BBX: variants seen among roughly 807,000 people sequenced by gnomAD.
The protein encoded by BBX is BBX high mobility group box domain containing.
In BBX, 30 loss-of-function variants were observed where a neutral mutation model predicts 100.2. That is an observed-to-expected ratio of 0.30 (90% CI 0.22 to 0.41). BBX has a LOEUF of 0.41. Ranked by LOEUF, BBX falls within the 10% of genes least tolerant of loss-of-function variation. BBX has a pLI of 1.00. For synonymous variants in BBX, 376 were observed against 388.1 expected, an observed-to-expected ratio of 0.97 and a Z score of 0.37; for missense variants, 1,023 against 1,129.8, an observed-to-expected ratio of 0.91 and a Z score of 1.35.
intron 3 of BBX, among the ~76,000 whole-genome samples, chr3:107,653,836 T>A (rs1576189990): frequency 6.6e-6 from 1 of 152,294 alleles, no homozygotes; most frequent in East Asian, 1.9e-4. Context: ...ACTGTTTATG[T>A]GGTGAGCACT....
chr3:107,704,026 G>T (rs996141817), intron 3 of BBX, among the ~76,000 whole-genome samples: 5 of 152,136 alleles, frequency 3.3e-5, no homozygotes, highest in African/African-American at 1.2e-4. Flanking sequence ...TCCCAGGTAA[G>T]CATTTGGGTT....
At chr3:107,567,891 C>A (rs879528580) in intron 2 of BBX, among the ~76,000 whole-genome samples, 1 of 151,850 alleles carries the variant, frequency 6.6e-6, no homozygotes, top group Non-Finnish European at 1.5e-5. Flanking sequence ...TATTAACATG[C>A]GTATTTAAAC....
At chr3:107,796,438 CTGGAATGTCCATCCACAA>C (rs1170179427) in intron 15 of BBX, among the ~76,000 whole-genome samples, 2 of 152,298 alleles carry the variant, frequency 1.3e-5, no homozygotes, top group East Asian at 3.9e-4. Flanking sequence ...AATGTTCTTT[CTGGAATGTCCATCCACAA>C]TGTGGTGATT....
At chr3:107,685,351 G>A (rs2059787105) in intron 3 of BBX, among the ~76,000 whole-genome samples, 1 of 152,182 alleles carries the variant, frequency 6.6e-6, no homozygotes, top group Non-Finnish European at 1.5e-5. Context: ...AACGAATGTT[G>A]AGGGTAGTAA....
intron 13 of BBX, among the ~76,000 whole-genome samples, chr3:107,789,407 T>G (rs1302911068): frequency 1.3e-5 from 2 of 152,314 alleles, no homozygotes; most frequent in Admixed American, 6.5e-5. Flanking sequence ...ATTGGAGAGA[T>G]AAAACACATA....
At chr3:107,730,473 TTTGTTGTTG>T (rs1282863439) in intron 6 of BBX, among the ~76,000 whole-genome samples, 1 of 148,128 alleles carries the variant, frequency 6.8e-6, no homozygotes, top group East Asian at 1.9e-4. Flanking sequence ...GGGTATGTAG[TTTGTTGTTG>T]TTGTTGTTGG....
chr3:107,734,817 CCTT>C (rs1251000349), intron 7 of BBX, among the ~76,000 whole-genome samples: 3 of 152,076 alleles, frequency 2.0e-5, no homozygotes, highest in African/African-American at 4.8e-5. Context: ...TTCTCCTACT[CCTT>C]CTTAAGAAGG....
intron 11 of BBX, among the ~76,000 whole-genome samples, chr3:107,774,291 A>T (rs1226473735): frequency 6.6e-6 from 1 of 152,182 alleles, no homozygotes; most frequent in African/African-American, 2.4e-5. Flanking sequence ...CTATATTCCA[A>T]CAAGACATGT....
intron 2 of BBX, among the ~76,000 whole-genome samples, chr3:107,602,417 A>G (rs2054129738): frequency 6.6e-6 from 1 of 152,236 alleles, no homozygotes; most frequent in East Asian, 1.9e-4. Flanking sequence ...GATGCCATTA[A>G]GAATATTGGT....
At chr3:107,698,515 G>T (rs915808926) in intron 3 of BBX, among the ~76,000 whole-genome samples, 9 of 151,378 alleles carry the variant, frequency 5.9e-5, no homozygotes, top group Admixed American at 5.3e-4. Flanking sequence ...AGTCAGGTGT[G>T]ATGGCATACT....
intron 2 of BBX, among the ~76,000 whole-genome samples, chr3:107,640,996 G>A (rs528242425): frequency 6.6e-6 from 1 of 152,186 alleles, no homozygotes; most frequent in Admixed American, 6.5e-5. Flanking sequence ...ATGCATAGGA[G>A]GTTAGTAATT....
At chr3:107,616,181 C>G (rs561524462) in intron 2 of BBX, among the ~76,000 whole-genome samples, 10 of 151,566 alleles carry the variant, frequency 6.6e-5, no homozygotes, top group Non-Finnish European at 4.4e-5. Flanking sequence ...CTCTGAGATT[C>G]AAAATTTTTT....
chr3:107,742,339 G>A (rs908495157), intron 7 of BBX, among the ~76,000 whole-genome samples: 5 of 144,360 alleles, frequency 3.5e-5, no homozygotes, highest in African/African-American at 1.3e-4. Context: ...CGGCCCTCTT[G>A]GCCCCTTCTG....
chr3:107,726,716 T>A (rs559371011), intron 5 of BBX, among the ~76,000 whole-genome samples: 71 of 152,148 alleles, frequency 4.7e-4, no homozygotes, highest in Non-Finnish European at 1.5e-4. Flanking sequence ...TGGTCCAGCT[T>A]TATGGACCAT....
At chr3:107,601,215 G>T (rs143289061) in intron 2 of BBX, among the ~76,000 whole-genome samples, 14 of 152,088 alleles carry the variant, frequency 9.2e-5, no homozygotes, top group African/African-American at 3.4e-4. Context: ...TCTCCCTCAG[G>T]CCTCCCGATT....
intron 4 of BBX, 29 bp from the exon 5 acceptor site, chr3:107,716,578 A>C (rs767143926): frequency 6.2e-6 from 10 of 1,600,460 alleles, no homozygotes; most frequent in Non-Finnish European, 8.5e-6. Flanking sequence ...AATATGTTAA[A>C]GATCTGGCTT....
At chr3:107,720,671 T>C (rs1043221192) in intron 5 of BBX, among the ~76,000 whole-genome samples, 2 of 152,016 alleles carry the variant, frequency 1.3e-5, no homozygotes, top group Non-Finnish European at 2.9e-5. Flanking sequence ...AAATGCAACT[T>C]GAAGGTGAAC....
At chr3:107,700,298 CAGA>C (rs1169483392) in intron 3 of BBX, among the ~76,000 whole-genome samples, 3 of 151,384 alleles carry the variant, frequency 2.0e-5, no homozygotes, top group Non-Finnish European at 2.9e-5. Context: ...TGAAAGAAAA[CAGA>C]AGAAGAAAAT....
intron 2 of BBX, among the ~76,000 whole-genome samples, chr3:107,556,295 AT>A (rs1426271091): frequency 3.9e-5 from 6 of 152,186 alleles, no homozygotes; most frequent in African/African-American, 1.4e-4. Flanking sequence ...AGGTTTATCT[AT>A]TTATTAGTAT....
Sources: allele counts gnomAD v4.1 joint callset (sites outside exome capture counted in the v4.1 genomes callset), GRCh38; gene constraint gnomAD v4.1.1; transcripts MANE v1.5; gene names NCBI Gene and HGNC (gene_info 2026-07-23, HGNC 2026-07-21).